Variants in DTHD1 observed in about 807,000 individuals in gnomAD.
DTHD1 encodes death domain-containing protein 1.
A neutral mutation model predicts 74.8 loss-of-function variants in DTHD1; 59 were observed. That is an observed-to-expected ratio of 0.79 (90% CI 0.64 to 0.98). The LOEUF (loss-of-function observed/expected upper bound fraction) is 0.98, where lower values mean the gene tolerates loss of function less well. Ranked by LOEUF, DTHD1 falls within the 50% of genes least tolerant of loss-of-function variation. The pLI is 0.00. For missense variants in DTHD1, 1,051 were observed against 1,065.4 expected, an observed-to-expected ratio of 0.99 and a Z score of 0.19; for synonymous variants, 365 against 371.1, an observed-to-expected ratio of 0.98 and a Z score of 0.19.
At position 36,284,118 on chromosome 4, in the gene DTHD1, C is replaced by T; in HGVS notation, c.414C>T (p.Ser138=). 6.5e-7 allele frequency: 1 copy of T among 1,537,196 alleles called. No homozygotes were observed. Among genetic ancestry groups the T allele is most frequent in the Non-Finnish European group, 8.7e-7 (1 of 1,146,878 alleles). Residue 138 remains serine (S), a synonymous_variant, in exon 2 of 10, where the codon TCC becomes TCT. Transcript: ENST00000639862. The part of the protein sequence containing the change: ...DECTPQQTMS[S]IQDTKAADIA... ...GTACTCCACAGCAGACAATGTCCTC[C>T]ATTCAAGATACCAAAGCAGCAGACA...
At chr4:36,322,762 A>G (rs1758113816) in intron 8 of DTHD1, among the ~76,000 whole-genome samples, 1 of 152,244 alleles carries the variant, frequency 6.6e-6, no homozygotes, top group Admixed American at 6.5e-5. Context: ...ATGATTCACC[A>G]CTAAATCTTT....
intron 2 of DTHD1, among the ~76,000 whole-genome samples, chr4:36,288,874 G>T (rs73809163): frequency 6.6e-6 from 1 of 152,120 alleles, no homozygotes; most frequent in Non-Finnish European, 1.5e-5. Flanking sequence ...GTTATACAAC[G>T]CTGGGTCACT....
At chr4:36,321,188 T>A (rs1445258028) in intron 8 of DTHD1, among the ~76,000 whole-genome samples, 2 of 152,172 alleles carry the variant, frequency 1.3e-5, no homozygotes, top group African/African-American at 4.8e-5. Context: ...CCTTTCTTCT[T>A]TATAGCATGT....
intron 5 of DTHD1, among the ~76,000 whole-genome samples, chr4:36,300,902 T>C (rs977536361): frequency 6.6e-6 from 1 of 152,216 alleles, no homozygotes; most frequent in Admixed American, 6.5e-5. Context: ...GTAGTGTACT[T>C]AGAAGTATTT....
chr4:36,283,224 G>C (rs148476738), intron 1 of DTHD1, among the ~76,000 whole-genome samples: 1 of 152,324 alleles, frequency 6.6e-6, no homozygotes, highest in African/African-American at 2.4e-5. Flanking sequence ...TGAACAAATA[G>C]GAGAGTGGGA....
intron 4 of DTHD1, among the ~76,000 whole-genome samples, chr4:36,293,936 G>C (rs1031550886): frequency 6.6e-6 from 1 of 151,920 alleles, no homozygotes; most frequent in African/African-American, 2.4e-5. Context: ...TTCCCAGTTA[G>C]TCTTTTGTGT....
intron 6 of DTHD1, among the ~76,000 whole-genome samples, chr4:36,306,637 A>C (rs770100010): frequency 6.6e-6 from 1 of 152,214 alleles, no homozygotes; most frequent in Non-Finnish European, 1.5e-5. Context: ...AATACCATGG[A>C]GATAGTAATT....
At chr4:36,330,189 G>C (rs1006451988) in intron 8 of DTHD1, among the ~76,000 whole-genome samples, 1 of 152,166 alleles carries the variant, frequency 6.6e-6, no homozygotes, top group Non-Finnish European at 1.5e-5. Context: ...TAATGAATAT[G>C]TTAGGAGTTG....
intron 6 of DTHD1, 23 bp downstream of exon 6, chr4:36,306,375 A>C (rs1022481094): frequency 1.3e-6 from 2 of 1,516,750 alleles, no homozygotes; most frequent in African/African-American, 1.4e-5. Context: ...AAAACAATCA[A>C]AGTTGATGAT....
At chr4:36,326,693 T>C (rs997713112) in intron 8 of DTHD1, among the ~76,000 whole-genome samples, 4 of 152,218 alleles carry the variant, frequency 2.6e-5, no homozygotes, top group Non-Finnish European at 5.9e-5. Flanking sequence ...GCTGGGGAAA[T>C]TGAAAAAGCA....
intron 9 of DTHD1, among the ~76,000 whole-genome samples, chr4:36,339,547 AT>A (rs1759201474): frequency 6.6e-6 from 1 of 152,236 alleles, no homozygotes; most frequent in Non-Finnish European, 1.5e-5. Context: ...AAGTCAATCT[AT>A]TTGAATTTGA....
chr4:36,287,747 AT>A (rs1755798460), intron 2 of DTHD1, among the ~76,000 whole-genome samples: 1 of 152,010 alleles, frequency 6.6e-6, no homozygotes, highest in African/African-American at 2.4e-5. Context: ...GATGTTGAGC[AT>A]TTTTTCATAT....
chr4:36,287,357 T>C (rs1755772896), intron 2 of DTHD1, among the ~76,000 whole-genome samples: 1 of 152,230 alleles, frequency 6.6e-6, no homozygotes, highest in African/African-American at 2.4e-5. Flanking sequence ...TATAAATATG[T>C]ATATGTAACA....
intron 5 of DTHD1, among the ~76,000 whole-genome samples, chr4:36,302,138 T>C (rs1005257227): frequency 6.6e-6 from 1 of 152,180 alleles, no homozygotes; most frequent in African/African-American, 2.4e-5. Flanking sequence ...TTTTCTTGTT[T>C]TTCCTCACCT....
intron 2 of DTHD1, among the ~76,000 whole-genome samples, chr4:36,288,066 C>T (rs1755823341): frequency 6.6e-6 from 1 of 152,036 alleles, no homozygotes; most frequent in Non-Finnish European, 1.5e-5. Flanking sequence ...AAGCCTATGT[C>T]TAGAAAGGTT....
chr4:36,338,181 A>T (rs2109574475), intron 8 of DTHD1, among the ~76,000 whole-genome samples: 1 of 152,304 alleles, frequency 6.6e-6, no homozygotes, highest in South Asian at 2.1e-4. Flanking sequence ...ACATCTTTAT[A>T]ATCTTGTAAT....
rs777323018 is a variant in DTHD1 at position 36,306,352 on chromosome 4, G to A, written c.1805G>A (p.Arg602Lys). The A allele has an allele frequency of 4.0e-5, 61 of 1,529,832 alleles. 1 individual carries two copies. In the South Asian group the frequency reaches 6.1e-4, roughly 15 times the overall value. The allele number at this position is 1,529,832 out of a possible 1,614,324, so 94.8% of individuals were successfully genotyped here. Residue 602 changes from arginine to lysine, a missense_variant and splice_region_variant, in exon 6 of 10, where the codon AGG (arginine) becomes AAG (lysine). Physicochemically the swap from Arg to Lys is conservative, Grantham distance 26 (BLOSUM62 2). Transcript: ENST00000639862. ...GTTGAATTGTATGAACATTTGGAGA[G>A]GTAATACCATCAAAAACAATCAAAG... ...VSVELYEHLE[R>K]FIVLHLSSTM...
intron 8 of DTHD1, among the ~76,000 whole-genome samples, chr4:36,322,741 T>G (rs1758112207): frequency 6.6e-6 from 1 of 152,254 alleles, no homozygotes; most frequent in Non-Finnish European, 1.5e-5. Context: ...AATATGTGGC[T>G]GAAAAGAATA....
rs1207159559 is a variant in DTHD1, at chr4:36,281,945, G to A, written c.187G>A (p.Glu63Lys). The A allele has an allele frequency of 5.0e-6, 7 of 1,388,710 alleles. No homozygotes were observed. The highest frequency in any genetic ancestry group is 1.9e-4 in the Middle Eastern group (1 of 5,330). The allele number at this position is 1,388,710 out of a possible 1,614,324, so 86.0% of individuals were successfully genotyped here. A position where few individuals can be genotyped will look rare whatever the true frequency, so the allele number is the denominator to read the frequency against. Residue 63 changes from glutamate (E) to lysine (K), a missense_variant, in exon 1 of 10, where the codon GAG becomes AAG. By Grantham distance (56) the Glu-to-Lys change is moderately conservative. Transcript: ENST00000639862. ...ELSSALHQLL[E>K]HTSGTLRSTC... ...CAGCAGTGCCCTTCACCAGCTGCTG[G>A]AGCACACCTCAGGCACCCTGCGTTC...
Sources: gnomAD v4.1 joint callset for allele counts (sites outside exome capture counted in the v4.1 genomes callset) on GRCh38, gnomAD v4.1.1 for gene constraint, MANE v1.5 for transcripts, NCBI Gene and HGNC (gene_info 2026-07-23, HGNC 2026-07-21) for gene names.